TNIP1: variants seen among roughly 807,000 people sequenced by gnomAD.
The protein encoded by TNIP1 is TNFAIP3-interacting protein 1.
TNIP1 carries 22 observed loss-of-function variants against 86.6 expected under a neutral mutation model. That is an observed-to-expected ratio of 0.25 (90% CI 0.18 to 0.36). The LOEUF is 0.36. TNIP1 is among the 10% of genes least tolerant of loss of function. TNIP1 has a pLI of 1.00. For synonymous variants in TNIP1, 294 were observed against 313.0 expected, an observed-to-expected ratio of 0.94 and a Z score of 0.64; for missense variants, 709 against 820.6, an observed-to-expected ratio of 0.86 and a Z score of 1.66.
intron 5 of TNIP1, among the ~76,000 whole-genome samples, chr5:151,059,820 A>AGTGT (rs1761213431): frequency 1.1e-5 from 1 of 93,748 alleles, no homozygotes; most frequent in African/African-American, 5.5e-5. Flanking sequence ...AGAGAGAGAG[A>AGTGT]GAGAGAGAGT....
intron 10 of TNIP1, 51 bp downstream of exon 10, chr5:151,042,845 G>C: frequency 6.2e-7 from 1 of 1,610,296 alleles, no homozygotes; most frequent in African/African-American, 1.3e-5. Context: ...AAGAGGCAGC[G>C]AGATGAAGAC....
At position 151,033,665 on chromosome 5, in the gene TNIP1, A is replaced by C. The variant is rs1181969490; in HGVS notation, c.1722T>G (p.Pro574=). The C allele has an allele frequency of 2.9e-5, 22 of 748,420 alleles. No individual in the cohort carries two copies. The highest frequency in any genetic ancestry group is 3.9e-5 in the Non-Finnish European group (22 of 565,080). The allele number at this position is 748,420 out of a possible 1,614,324, so 46.4% of individuals were successfully genotyped here. The change falls in exon 16 of 18, where the codon CCT becomes CCG. Residue 574 remains proline (P), a synonymous_variant. Coordinates refer to ENST00000521591, the MANE Select transcript of TNIP1 (RefSeq NM_006058.5). ...FEDWSQIRYP[P]PPMAMEHPPP... is the part of the protein sequence containing the mutation. Reference sequence around the variant, plus strand: ...GCGGGTGCTCCATGGCCATGGGGGGAGGGGGGTAGCGGATCTGGGACCAGT... The same window carrying C: ...GCGGGTGCTCCATGGCCATGGGGGGCGGGGGGTAGCGGATCTGGGACCAGT...
chr5:151,047,619 A>C (rs1759346030), intron 8 of TNIP1, among the ~76,000 whole-genome samples: 2 of 152,150 alleles, frequency 1.3e-5, no homozygotes, highest in African/African-American at 4.8e-5. Context: ...TAGGGGAAGT[A>C]AAGGAAGGGG....
intron 10 of TNIP1, 37 bp downstream of exon 10, chr5:151,042,859 G>T: frequency 1.2e-6 from 2 of 1,612,096 alleles, no homozygotes; most frequent in South Asian, 1.1e-5. Flanking sequence ...TGAAGACCAG[G>T]CATGCCCTGT....
chr5:151,039,277 C>T lies in TNIP1; in HGVS notation c.1135-52G>A, dbSNP rs1758111435. The T allele has an allele frequency of 1.9e-6, 3 of 1,571,264 alleles. No individual in the cohort carries two copies. In the African/African-American group the frequency reaches 4.1e-5, roughly 21 times the overall value. ...TGGCTAGGATGGCCTCTCCAGGAGG[C>T]CTCGGATTCTCTGTCCTGCCTGGCC... is the stretch of plus-strand genomic sequence containing the variant. On this transcript the variant is annotated intron_variant, in intron 11 of 17. Transcript: ENST00000521591.
chr5:151,052,124 GC>G, intron 7 of TNIP1, 40 bp downstream of exon 7: 1 of 1,582,646 alleles, frequency 6.3e-7, no homozygotes, highest in Non-Finnish European at 8.7e-7. Flanking sequence ...TCCTCCTGCA[GC>G]CCCCACTCCT....
chr5:151,076,744 A>G (rs1763438758), intron 1 of TNIP1, among the ~76,000 whole-genome samples: 1 of 152,154 alleles, frequency 6.6e-6, no homozygotes, highest in Admixed American at 6.5e-5. Context: ...TGGGCCCACA[A>G]AAGAAAGAAG....
chr5:151,043,004 G>T, intron 9 of TNIP1, 43 bp from the exon 10 acceptor site: 2 of 1,605,384 alleles, frequency 1.2e-6, no homozygotes, highest in South Asian at 2.2e-5. Context: ...AGCAGAGAAG[G>T]AACAAGGAGA....
intron 1 of TNIP1, among the ~76,000 whole-genome samples, chr5:151,079,576 C>G (rs1376958367): frequency 1.3e-5 from 2 of 151,158 alleles, no homozygotes; most frequent in Non-Finnish European, 2.9e-5. Context: ...GAGCCGAGAT[C>G]GTGCCACTGC....
At chr5:151,053,101 CTTTTTTTTTTTTTTTT>C (rs11390788) in intron 6 of TNIP1, among the ~76,000 whole-genome samples, 1 of 85,208 alleles carries the variant, frequency 1.2e-5, no homozygotes, top group African/African-American at 4.7e-5. Context: ...AACTGTTTCT[CTTTTTTTTTTTTTTTT>C]TTTTTTTTTT....
At chr5:151,049,693 C>T (rs867930084) in intron 8 of TNIP1, 131 bp downstream of exon 8, 13 of 1,139,930 alleles carry the variant, frequency 1.1e-5, no homozygotes, top group South Asian at 7.3e-5. Flanking sequence ...GAAAAAAACA[C>T]GTAACAGCTA....
intron 5 of TNIP1, among the ~76,000 whole-genome samples, 184 bp downstream of exon 5, chr5:151,060,134 T>G (rs1375334172): frequency 6.6e-6 from 1 of 152,120 alleles, no homozygotes; most frequent in Non-Finnish European, 1.5e-5. Context: ...GTCGGGGAAG[T>G]CACTAGCCCA....
chr5:151,057,453 C>T (rs1760819251), intron 5 of TNIP1, among the ~76,000 whole-genome samples: 1 of 152,318 alleles, frequency 6.6e-6, no homozygotes, highest in African/African-American at 2.4e-5. Flanking sequence ...TGGCCGGGCG[C>T]GATGGCTCAC....
chr5:151,048,498 C>A (rs1246433876), intron 8 of TNIP1, among the ~76,000 whole-genome samples: 2 of 152,188 alleles, frequency 1.3e-5, no homozygotes, highest in Non-Finnish European at 2.9e-5. Context: ...CACCTGCATG[C>A]AATTCCAAGG....
chr5:151,052,290 G>A, intron 6 of TNIP1, 31 bp from the exon 7 acceptor site: 1 of 1,592,614 alleles, frequency 6.3e-7, no homozygotes, highest in Non-Finnish European at 8.6e-7. Context: ...CAGGGTGAGG[G>A]AAAGGAGGGG....
Position 151,065,050 on chromosome 5 carries a change from C to G in TNIP1, c.46G>C (p.Val16Leu), listed in dbSNP as rs76191063. The G allele has an allele frequency of 1.2e-6, 2 of 1,614,040 alleles. No homozygotes were observed. Among genetic ancestry groups the G allele is most frequent in the African/African-American group, 2.7e-5 (2 of 74,938 alleles). The change falls in exon 2 of 18, where the codon GTG becomes CTG. Residue 16 changes from valine (V) to leucine (L), a missense_variant. By Grantham distance (32) the Val-to-Leu change is conservative. Transcript: ENST00000521591. ...PYRIYDPGGS[V>L]PSGEASAAFE... Reference sequence around the variant, plus strand: ...GCTGCGGATGCCTCTCCTGAGGGCACGCTGCCCCCAGGGTCGTAGATCCGG... The same window carrying G: ...GCTGCGGATGCCTCTCCTGAGGGCAGGCTGCCCCCAGGGTCGTAGATCCGG...
At chr5:151,042,756 C>T (rs754629527) in intron 10 of TNIP1, 85 bp from the exon 11 acceptor site, 46 of 1,597,192 alleles carry the variant, frequency 2.9e-5, no homozygotes, top group Admixed American at 1.8e-4. Flanking sequence ...GCCCCTGGGC[C>T]CTCCAACACT....
intron 5 of TNIP1, among the ~76,000 whole-genome samples, chr5:151,057,993 G>A (rs530257880): frequency 7.2e-5 from 11 of 152,238 alleles, no homozygotes; most frequent in Admixed American, 4.6e-4. Flanking sequence ...CTGCATATAC[G>A]TCCTGCAACC....
intron 10 of TNIP1, 37 bp downstream of exon 10, chr5:151,042,859 G>A (rs756465790): frequency 1.2e-6 from 2 of 1,612,096 alleles, no homozygotes; most frequent in African/African-American, 1.3e-5. Context: ...TGAAGACCAG[G>A]CATGCCCTGT....
Sources: allele counts gnomAD v4.1 joint callset (sites outside exome capture counted in the v4.1 genomes callset), GRCh38; gene constraint gnomAD v4.1.1; transcripts MANE v1.5; gene names NCBI Gene and HGNC (gene_info 2026-07-23, HGNC 2026-07-21).